Variants in TPM3 observed in about 807,000 individuals in gnomAD.
TPM3 encodes tropomyosin alpha-3 chain.
TPM3 carries 16 observed loss-of-function variants against 43.1 expected under a neutral mutation model. That is an observed-to-expected ratio of 0.37 (90% CI 0.25 to 0.56). The LOEUF (loss-of-function observed/expected upper bound fraction) is 0.56. Among genes scored for constraint, TPM3 ranks in the 20% least tolerant of loss-of-function variants. The pLI, the probability that TPM3 is intolerant of heterozygous loss-of-function variation, is 0.77. For missense variants in TPM3, 176 were observed against 337.2 expected, an observed-to-expected ratio of 0.52 and a Z score of 3.74; for synonymous variants, 101 against 116.9, an observed-to-expected ratio of 0.86 and a Z score of 0.88.
intron 3 of TPM3, among the ~76,000 whole-genome samples, chr1:154,174,285 A>C (rs926668750): frequency 4.0e-5 from 6 of 149,266 alleles, no homozygotes; most frequent in Non-Finnish European, 7.4e-5. Context: ...CAGTGAGCCG[A>C]GATTGTGCCA....
chr1:154,172,850 A>T, intron 5 of TPM3, 58 bp downstream of exon 5: 2 of 1,601,308 alleles, frequency 1.2e-6, no homozygotes, highest in Non-Finnish European at 1.7e-6. Context: ...ATTAGTGCCC[A>T]AGCCAAAGGG....
intron 2 of TPM3, among the ~76,000 whole-genome samples, chr1:154,186,601 T>G (rs986820704): frequency 1.3e-5 from 2 of 151,620 alleles, no homozygotes; most frequent in Non-Finnish European, 2.9e-5. Context: ...GTCCTAACAA[T>G]GCACTCCTCT....
At chr1:154,155,548 G>GA (rs1297139488), downstream of TPM3, 4 of 235,660 alleles carry the variant, frequency 1.7e-5, no homozygotes, top group Admixed American at 1.6e-4. Context: ...CAGAATGCAG[G>GA]AAATGCCAGA....
rs1430460046 is a variant in TPM3, at chr1:154,167,880, T to C, written c.*57A>G. On this transcript the variant is annotated 3_prime_UTR_variant, in exon 10 of 10. Transcript: ENST00000651641. ...TGGAATCCAGAGCGAGAGTGGGGCC[T>C]TGGGTTCCCCGAGGAGTAAAGGGGG... 24 of 1,613,784 alleles carry C rather than the reference T, an allele frequency of 1.5e-5. No homozygotes were observed. The highest frequency in any genetic ancestry group is 1.9e-5 in the Non-Finnish European group (22 of 1,179,874).
chr1:154,176,158 G>A lies in TPM3; in HGVS notation c.334C>T (p.Gln112Ter). The A allele has an allele frequency of 6.2e-7, 1 of 1,614,150 alleles. No homozygotes were observed. The highest frequency in any genetic ancestry group is 8.5e-7 in the Non-Finnish European group (1 of 1,180,032). ...RAQERLATAL[Q>*]KLEEAEKAAD... ...GCTTTTTCAGCTTCTTCCAGCTTTTGCAGGGCAGTGGCCAGGCGCTCCTGA... is the reference window on the plus strand; with the variant it reads ...GCTTTTTCAGCTTCTTCCAGCTTTTACAGGGCAGTGGCCAGGCGCTCCTGA... The change falls in exon 3 of 10, where the codon CAA becomes TAA. Residue 112 changes from glutamine (Q) to a stop codon, truncating the protein, a stop_gained. Coordinates refer to ENST00000651641, the MANE Select transcript of TPM3 (RefSeq NM_152263.4). LOFTEE classifies it high-confidence loss of function.
chr1:154,176,074 G>T, intron 3 of TPM3, 41 bp downstream of exon 3: 3 of 1,611,672 alleles, frequency 1.9e-6, no homozygotes, highest in South Asian at 2.2e-5. Flanking sequence ...GAACTATTAT[G>T]AACTTTTAAA....
chr1:154,170,380 C>T lies in TPM3; in HGVS notation c.775+20G>A, dbSNP rs777510723. 5 of 1,613,436 alleles carry T rather than the reference C, an allele frequency of 3.1e-6. No homozygotes were observed. Among genetic ancestry groups the T allele is most frequent in the Non-Finnish European group, 4.2e-6 (5 of 1,179,524 alleles). ...TTCCTCTATATTTCTCTATTTCAAT[C>T]CCTACTCCAGGTTCCATACCTTCCA... On this transcript the variant is annotated intron_variant, in intron 8 of 9. Coordinates refer to ENST00000651641, the MANE Select transcript of TPM3 (RefSeq NM_152263.4).
chr1:154,166,826 C>A lies in TPM3; in HGVS notation c.*1111G>T, dbSNP rs1482644916. The A allele has an allele frequency of 2.9e-6, 1 of 347,336 alleles. No homozygotes were observed. The highest frequency in any genetic ancestry group is 6.5e-5 in the Admixed American group (1 of 15,440). The allele number at this position is 347,336 out of a possible 1,614,324, so 21.5% of individuals were successfully genotyped here. A position where few individuals can be genotyped will look rare whatever the true frequency, so the allele number is the denominator to read the frequency against. Reference sequence around the variant, plus strand: ...CCTCCCGAGTAGCTGGGATTACAGGCACCCACCCACCATGCCCAGCTAATT... The same window carrying A: ...CCTCCCGAGTAGCTGGGATTACAGGAACCCACCCACCATGCCCAGCTAATT... On this transcript the variant is annotated 3_prime_UTR_variant, in exon 10 of 10. Transcript: ENST00000651641.
downstream of TPM3, chr1:154,157,611 A>G (rs927204856): frequency 5.2e-6 from 4 of 773,744 alleles, no homozygotes; most frequent in African/African-American, 5.1e-5. Context: ...CAGAGGGAGG[A>G]GCAGCAGCAG....
chr1:154,173,028 C>T (rs1462784827), intron 4 of TPM3, 50 bp from the exon 5 acceptor site: 5 of 1,613,966 alleles, frequency 3.1e-6, no homozygotes, highest in South Asian at 2.2e-5. Flanking sequence ...GAGCCATTTA[C>T]CGCATTATGC....
chr1:154,183,505 C>A (rs1663215376), intron 2 of TPM3: 3 of 405,734 alleles, frequency 7.4e-6, no homozygotes, highest in South Asian at 6.6e-5. Flanking sequence ...GCTGACCTTA[C>A]ACTCCCGCAA....
chr1:154,160,214 T>C (rs534465811), downstream of TPM3, among the ~76,000 whole-genome samples: 4 of 152,156 alleles, frequency 2.6e-5, no homozygotes, highest in Non-Finnish European at 5.9e-5. Flanking sequence ...GGTATACTCC[T>C]AGTATCAACC....
At chr1:154,191,445 T>G in intron 1 of TPM3, 134 bp from the exon 2 acceptor site, 1 of 1,488,962 alleles carries the variant, frequency 6.7e-7, no homozygotes, top group South Asian at 1.2e-5. Context: ...CCCCAGCCAC[T>G]TCCAGCCCAC....
In TPM3 at chr1:154,166,807, G is replaced by T. The variant is rs143058197; in HGVS notation, c.*1130C>A. On this transcript the variant is annotated 3_prime_UTR_variant, in exon 10 of 10. Transcript: ENST00000651641. ...AGCGATTCTCCTGCCTCAGCCTCCC[G>T]AGTAGCTGGGATTACAGGCACCCAC... 1 of 538,710 alleles carries T rather than the reference G, an allele frequency of 1.9e-6. No individual in the cohort carries two copies. The highest frequency in any genetic ancestry group is 2.1e-5 in the African/African-American group (1 of 48,330). 33.4% of individuals were successfully genotyped at this position (538,710 alleles called of 1,614,324 possible). A position where few individuals can be genotyped will look rare whatever the true frequency, so the allele number is the denominator to read the frequency against.
intron 2 of TPM3, chr1:154,183,304 G>A (rs1257482392): frequency 2.7e-6 from 4 of 1,488,404 alleles, no homozygotes; most frequent in South Asian, 1.3e-5. Context: ...GTCCACTGGA[G>A]GGAGAGCCGC....
intron 2 of TPM3, chr1:154,187,432 A>C: frequency 1.0e-6 from 1 of 984,552 alleles, no homozygotes; most frequent in Non-Finnish European, 1.2e-6. Flanking sequence ...GTACTTTCTG[A>C]CTTGGGAAAG....
At chr1:154,177,271 T>C (rs1410049082) in intron 2 of TPM3, among the ~76,000 whole-genome samples, 1 of 152,108 alleles carries the variant, frequency 6.6e-6, no homozygotes, top group African/African-American at 2.4e-5. Flanking sequence ...GAAAGAACAT[T>C]TCCACCACAC....
downstream of TPM3, among the ~76,000 whole-genome samples, chr1:154,161,437 C>CT (rs966387714): frequency 0.013 from 1,512 of 113,294 alleles, 14 homozygotes; most frequent in South Asian, 0.018. Context: ...TATCAGGATC[C>CT]TTTTTTTTTT....
rs1352946717 is a variant in TPM3 at position 154,163,393 on chromosome 1, C to T, written c.*4544G>A. ...TTATATTGCCTATATAATCTTCCTA[C>T]CAATACACTCTTTTGCCCCTGAAAA... On this transcript the variant is annotated 3_prime_UTR_variant, in exon 10 of 10. Coordinates refer to ENST00000651641, the MANE Select transcript of TPM3 (RefSeq NM_152263.4). Among the ~76,000 whole-genome samples the T allele has an allele frequency of 2.0e-5, 3 of 152,176 alleles. No individual in the cohort carries two copies. The highest frequency in any genetic ancestry group is 6.6e-5 in the Admixed American group (1 of 15,262).
Sources: gnomAD v4.1 joint callset for allele counts (sites outside exome capture counted in the v4.1 genomes callset) on GRCh38, gnomAD v4.1.1 for gene constraint, MANE v1.5 for transcripts, NCBI Gene and HGNC (gene_info 2026-07-23, HGNC 2026-07-21) for gene names.